The following ATP8B1 variants were observed in gnomAD, a reference collection of about 807,000 sequenced individuals.
ATP8B1 encodes the protein ATPase phospholipid transporting 8B1.
A neutral mutation model predicts 149.9 loss-of-function variants in ATP8B1; 80 were observed. The ratio of observed to expected loss-of-function variants is 0.53; its 90% CI spans 0.45 to 0.64. The LOEUF (loss-of-function observed/expected upper bound fraction) is 0.64. Among genes scored for constraint, ATP8B1 ranks in the 30% least tolerant of loss-of-function variants. The pLI is 0.00. For synonymous variants in ATP8B1, 536 were observed against 562.8 expected (o/e 0.95, Z 0.67); for missense variants, 1,247 against 1,552.6 (o/e 0.80, Z 3.31).
At chr18:57,658,053 CTT>C (rs546460466) in intron 22 of ATP8B1, among the ~76,000 whole-genome samples, 2 of 146,348 alleles carry the variant, frequency 1.4e-5, no homozygotes, top group African/African-American at 2.5e-5. Flanking sequence ...TCCCTCTTGC[CTT>C]TTTTTTTTTG....
chr18:57,665,982 C>T (rs1272200612), intron 20 of ATP8B1, among the ~76,000 whole-genome samples: 1 of 152,100 alleles, frequency 6.6e-6, no homozygotes, highest in Non-Finnish European at 1.5e-5. Context: ...TCTAATTTGA[C>T]GGAATACCTA....
intron 16 of ATP8B1, among the ~76,000 whole-genome samples, chr18:57,672,419 G>C (rs1225058333): frequency 6.6e-6 from 1 of 152,202 alleles, no homozygotes; most frequent in Non-Finnish European, 1.5e-5. Context: ...AAGGGACACA[G>C]AAAGCGTTCA....
chr18:57,771,652 T>C (rs964559360), intron 1 of ATP8B1, among the ~76,000 whole-genome samples: 7 of 152,282 alleles, frequency 4.6e-5, no homozygotes, highest in African/African-American at 1.7e-4. Context: ...AGTTTCTGGG[T>C]GGTGCCTCAG....
chr18:57,744,186 G>A (rs139757490), intron 1 of ATP8B1, among the ~76,000 whole-genome samples: 4,828 of 151,792 alleles, frequency 0.032, 229 homozygotes, highest in African/African-American at 0.11. Context: ...ATGGTGGTGT[G>A]TGCCTGTAGT....
At chr18:57,761,040 A>T (rs1391895088) in intron 1 of ATP8B1, among the ~76,000 whole-genome samples, 1 of 61,138 alleles carries the variant, frequency 1.6e-5, no homozygotes, top group African/African-American at 9.1e-5. Flanking sequence ...AATAAAATAA[A>T]TAAAATAAAA....
At chr18:57,750,847 G>A (rs776140139) in intron 1 of ATP8B1, among the ~76,000 whole-genome samples, 14 of 152,150 alleles carry the variant, frequency 9.2e-5, no homozygotes, top group Non-Finnish European at 1.9e-4. Flanking sequence ...GGCTGGGCAC[G>A]GTGGCTCATG....
chr18:57,772,249 C>T (rs1038872913), intron 1 of ATP8B1, among the ~76,000 whole-genome samples: 5 of 151,986 alleles, frequency 3.3e-5, no homozygotes, highest in African/African-American at 1.2e-4. Context: ...GTATTGCTAG[C>T]GGGAGAAGTG....
chr18:57,650,455 G>A lies in ATP8B1; in HGVS notation c.3443C>T (p.Thr1148Ile), dbSNP rs1909531643. 1.2e-6 allele frequency: 2 copies of A among 1,613,990 alleles called. No individual in the cohort carries two copies. Among genetic ancestry groups the A allele is most frequent in the Non-Finnish European group, 8.5e-7 (1 of 1,179,878 alleles). Residue 1148 changes from threonine to isoleucine, a missense_variant, in exon 27 of 28, where the codon ACT (threonine) becomes ATT (isoleucine). This residue lies in a region of ATP8B1 where 164 missense variants were observed against 160.3 expected (regional missense o/e 1.02). Transcript: ENST00000648908. ...NALRQPYIWL[T>I]IILAVAVCLL... ...GCACACAGCAACAGCCAGGATGATA[G>A]TTAACCAAATGTATGGCTGTCTCAG...
chr18:57,683,080 C>T (rs200954937), intron 15 of ATP8B1, among the ~76,000 whole-genome samples: 3 of 152,096 alleles, frequency 2.0e-5, no homozygotes, highest in Non-Finnish European at 4.4e-5. Context: ...CCATTCACCT[C>T]GACCTTCCAA....
chr18:57,664,721 T>C (rs1162580895), intron 20 of ATP8B1, among the ~76,000 whole-genome samples: 1 of 152,102 alleles, frequency 6.6e-6, no homozygotes, highest in Non-Finnish European at 1.5e-5. Flanking sequence ...AGTCATGAAA[T>C]TTTGGAGTGG....
chr18:57,768,757 T>C (rs1464796766), intron 1 of ATP8B1, among the ~76,000 whole-genome samples: 10 of 152,074 alleles, frequency 6.6e-5, no homozygotes, highest in Admixed American at 5.9e-4. Flanking sequence ...ATGCCAAGGA[T>C]AGAAGTGGAA....
intron 21 of ATP8B1, among the ~76,000 whole-genome samples, chr18:57,662,278 AAC>A (rs1910506660): frequency 1.3e-5 from 2 of 152,236 alleles, no homozygotes; most frequent in African/African-American, 4.8e-5. Flanking sequence ...TTAATTAGTA[AAC>A]CAAGATAACC....
At chr18:57,651,607 T>C (rs1258898905) in intron 26 of ATP8B1, among the ~76,000 whole-genome samples, 1 of 152,090 alleles carries the variant, frequency 6.6e-6, no homozygotes, top group African/African-American at 2.4e-5. Flanking sequence ...TAATAATTTG[T>C]ATATATTTGT....
chr18:57,775,381 G>T (rs968867247), intron 1 of ATP8B1, among the ~76,000 whole-genome samples: 2 of 151,584 alleles, frequency 1.3e-5, no homozygotes, highest in African/African-American at 4.8e-5. Context: ...AAGAAAGGAG[G>T]AGGGAAGGAG....
In ATP8B1 at chr18:57,685,106, C is replaced by T. The variant is rs1285236949; in HGVS notation, c.1439G>A (p.Arg480Gln). The change falls in exon 14 of 28, where the codon CGG becomes CAG. Residue 480 changes from arginine to glutamine, a missense_variant. Physicochemically the swap from Arg to Gln is conservative, Grantham distance 43 (BLOSUM62 1). This residue lies in a region of ATP8B1 where 853 missense variants were observed against 1,035.7 expected (regional missense o/e 0.82). Transcript: ENST00000648908. ...CINGQIYGDH[R>Q]DASQHNHNKI... ...GTTGTGGTTGTGTTGAGAGGCATCC[C>T]GATGGTCCCCTGAGAAACAAACAGG... is the stretch of plus-strand genomic sequence containing the variant. 8.1e-6 allele frequency: 13 copies of T among 1,614,180 alleles called. No homozygotes were observed. Among genetic ancestry groups the T allele is most frequent in the South Asian group, 1.1e-5 (1 of 91,076 alleles).
rs571269659 is a variant in ATP8B1, at chr18:57,764,247, CTTCCTTCCTTCCTTCT to C, written c.-25-32431_-25-32416del. ...CAGCCACCTGCCCCAGGGAGCCTGCCTTCCTTCCTTCCTTCTTTCCTTCCTTCCTTCCTTCTTTCTT... is the reference window on the plus strand; with the variant it reads ...CAGCCACCTGCCCCAGGGAGCCTGCCTTCCTTCCTTCCTTCCTTCTTTCTT... On this transcript the variant is annotated intron_variant, in intron 1 of 27. Transcript: ENST00000648908. 5.3e-3 allele frequency among the ~76,000 whole-genome samples: 804 copies of C among 151,662 alleles called. 8 individuals are homozygous for C. Among genetic ancestry groups the C allele is most frequent in the African/African-American group, 0.018 (762 of 41,252 alleles).
chr18:57,741,449 T>C (rs6566896), intron 1 of ATP8B1, among the ~76,000 whole-genome samples: 121,998 of 152,142 alleles, frequency 0.8, 49,443 homozygotes, highest in South Asian at 0.87. Flanking sequence ...AGTCCAATAG[T>C]CCTTAAGGAA....
chr18:57,671,456 A>G lies in ATP8B1; in HGVS notation c.1932+12T>C. The G allele has an allele frequency of 6.3e-7, 1 of 1,589,646 alleles. No homozygotes were observed. Among genetic ancestry groups the G allele is most frequent in the Non-Finnish European group, 8.6e-7 (1 of 1,157,858 alleles). ...CAGAATCCCTTGCAGAAAGAATAAA[A>G]GTGAAACTTACATCCAGGGCATCCT... On this transcript the variant is annotated intron_variant, in intron 17 of 27. Transcript: ENST00000648908.
At chr18:57,694,516 T>C (rs1912703006) in intron 11 of ATP8B1, 66 bp downstream of exon 11, 3 of 1,098,080 alleles carry the variant, frequency 2.7e-6, no homozygotes, top group Non-Finnish European at 4.1e-6. Context: ...TAGAAAAACA[T>C]ACGATAATAT....
Sources: allele counts gnomAD v4.1 joint callset (sites outside exome capture counted in the v4.1 genomes callset), GRCh38; gene constraint gnomAD v4.1.1; regional missense constraint gnomAD v4.1.1; transcripts MANE v1.5; gene names NCBI Gene and HGNC (gene_info 2026-07-23, HGNC 2026-07-21).